Variants in AGAP1 observed in about 807,000 individuals in gnomAD.
AGAP1 encodes the protein arf-GAP with GTPase, ANK repeat and PH domain-containing protein 1.
A neutral mutation model predicts 105.3 loss-of-function variants in AGAP1; 29 were observed. The observed-to-expected ratio is 0.28, with a 90% CI of 0.21 to 0.38. The LOEUF is 0.38. AGAP1 is among the 10% of genes least tolerant of loss of function. The probability of loss-of-function intolerance (pLI) is 1.00; values close to 1 mark genes in which losing one functional copy is unlikely to be tolerated. For synonymous variants in AGAP1, 509 were observed against 485.9 expected, an observed-to-expected ratio of 1.05 and a Z score of -0.63; for missense variants, 998 against 1,165.1, an observed-to-expected ratio of 0.86 and a Z score of 2.09.
chr2:235,508,226 A>T (rs1213710150), intron 1 of AGAP1, among the ~76,000 whole-genome samples: 1 of 152,244 alleles, frequency 6.6e-6, no homozygotes, highest in African/African-American at 2.4e-5. Context: ...TATTGTGAAT[A>T]GTGCCACAGT....
At chr2:235,589,543 C>G (rs190359710) in intron 1 of AGAP1, among the ~76,000 whole-genome samples, 1 of 152,172 alleles carries the variant, frequency 6.6e-6, no homozygotes, top group African/African-American at 2.4e-5. Context: ...AATTTCCCAT[C>G]CAACCGAACT....
intron 16 of AGAP1, among the ~76,000 whole-genome samples, chr2:236,099,261 A>G (rs2059280425): frequency 6.6e-6 from 1 of 151,682 alleles, no homozygotes; most frequent in South Asian, 2.1e-4. Context: ...GACTATCCTG[A>G]CTAACAGGGT....
rs764717887 is a variant in AGAP1, at chr2:236,000,059, G to A, written c.1645+31436G>A. Among the ~76,000 whole-genome samples the A allele has an allele frequency of 1.1e-4, 16 of 152,056 alleles. No homozygotes were observed. Among genetic ancestry groups the A allele is most frequent in the South Asian group, 4.1e-4 (2 of 4,830 alleles). On this transcript the variant is annotated intron_variant, in intron 13 of 17. Transcript: ENST00000304032. This position sits in a 1 kb window ranked among gnomAD's most constrained non-coding sequence, Gnocchi z 4.3. ...TAGACCAGTGTCCTCACGTGCAGGC[G>A]TCCTCGAAGGTTTGTTTGTTAGTAG...
At chr2:235,896,633 A>G (rs1166065520) in intron 10 of AGAP1, among the ~76,000 whole-genome samples, 1 of 152,260 alleles carries the variant, frequency 6.6e-6, no homozygotes, top group Non-Finnish European at 1.5e-5. Flanking sequence ...ACATGGTCAC[A>G]TGGGCTCTCC....
At chr2:235,648,880 G>A (rs1183422530) in intron 1 of AGAP1, among the ~76,000 whole-genome samples, 2 of 133,654 alleles carry the variant, frequency 1.5e-5, no homozygotes, top group Admixed American at 1.5e-4. Context: ...AAGCGAGACT[G>A]TCTCAAAAAA....
At position 235,788,092 on chromosome 2, in the gene AGAP1, C is replaced by T. The variant is rs370647125; in HGVS notation, c.674-9667C>T. On this transcript the variant is annotated intron_variant, in intron 6 of 17. Transcript: ENST00000304032. This position sits in a 1 kb window ranked among gnomAD's most constrained non-coding sequence, Gnocchi z 6.0. Reference sequence around the variant, plus strand: ...TGCATGCCTCATGGGGTCATCCTGACTTAACCTGATGGGTAGGACTTACTT... The same window carrying T: ...TGCATGCCTCATGGGGTCATCCTGATTTAACCTGATGGGTAGGACTTACTT... Among the ~76,000 whole-genome samples the T allele has an allele frequency of 6.6e-6, 1 of 152,298 alleles. No individual in the cohort carries two copies.
At chr2:235,849,219 C>G (rs1204340512) in intron 9 of AGAP1, among the ~76,000 whole-genome samples, 1 of 152,080 alleles carries the variant, frequency 6.6e-6, no homozygotes, top group African/African-American at 2.4e-5. Flanking sequence ...TACTAAAGAC[C>G]GCCATCAAGT....
At chr2:235,607,620 G>A (rs1377665561) in intron 1 of AGAP1, among the ~76,000 whole-genome samples, 1 of 152,168 alleles carries the variant, frequency 6.6e-6, no homozygotes, top group Non-Finnish European at 1.5e-5. Flanking sequence ...GCTGGATCCT[G>A]AGCCCTGTAA....
Position 236,120,189 on chromosome 2 carries a change from C to T in AGAP1, c.2115-3C>T. 1 of 1,606,874 alleles carries T rather than the reference C, an allele frequency of 6.2e-7. No individual in the cohort carries two copies. Among genetic ancestry groups the T allele is most frequent in the Non-Finnish European group, 8.5e-7 (1 of 1,175,750 alleles). On this transcript the variant is annotated splice_polypyrimidine_tract_variant and splice_region_variant and intron_variant, in intron 16 of 17. Coordinates refer to ENST00000304032, the MANE Select transcript of AGAP1 (RefSeq NM_001037131.3). This position sits in a 1 kb window ranked among gnomAD's most constrained non-coding sequence, Gnocchi z 6.0. The stretch of plus-strand genomic sequence containing the variant: ...ACTGCACCTGTCTGGTGGCTCTTTG[C>T]AGGGAAGAGAAGGAACGGTGGATCC...
intron 9 of AGAP1, among the ~76,000 whole-genome samples, chr2:235,810,026 G>A (rs1958047541): frequency 6.6e-6 from 1 of 152,150 alleles, no homozygotes; most frequent in African/African-American, 2.4e-5. Context: ...TTCGGACCAG[G>A]CCTCTCTGCC....
Position 236,040,801 on chromosome 2 carries a change from C to T in AGAP1, c.1851C>T (p.Asn617=), listed in dbSNP as rs1338674163. 6.2e-7 allele frequency: 1 copy of T among 1,614,104 alleles called. No homozygotes were observed. Among genetic ancestry groups the T allele is most frequent in the South Asian group, 1.1e-5 (1 of 91,078 alleles). The change falls in exon 15 of 18, where the codon AAC becomes AAT. Residue 617 remains asparagine (N), a synonymous_variant. Transcript: ENST00000304032. The surrounding 1 kb of genome is among the most constrained non-coding windows in gnomAD (Gnocchi z 5.6). ...CCATGGCCCTGCAGTCGATCCGGAA[C>T]ATGCGCGGGAACTCCCACTGTGTGG... ...SEAMALQSIR[N]MRGNSHCVDC...
At chr2:235,890,162 C>CT (rs3059035) in intron 10 of AGAP1, among the ~76,000 whole-genome samples, 6,702 of 132,424 alleles carry the variant, frequency 0.051, 391 homozygotes, top group African/African-American at 0.14. Flanking sequence ...TAGTTATTCC[C>CT]TTTTTTTTTT....
At position 235,566,472 on chromosome 2, in the gene AGAP1, G is replaced by C; in HGVS notation, c.163+71623G>C. On this transcript the variant is annotated intron_variant, in intron 1 of 17. Transcript: ENST00000304032. This position sits in a 1 kb window ranked among gnomAD's most constrained non-coding sequence, Gnocchi z 5.2. ...GAGATCAATATTGATTTACTGTTTT[G>C]TTTTTTTATTTCCAGATAAGCATTC... 1.6e-6 allele frequency: 1 copy of C among 639,810 alleles called. No homozygotes were observed. The allele number at this position is 639,810 out of a possible 1,614,324, so 39.6% of individuals were successfully genotyped here. A position where few individuals can be genotyped will look rare whatever the true frequency, so the allele number is the denominator to read the frequency against.
At chr2:235,966,210 G>T (rs1336843655) in intron 12 of AGAP1, among the ~76,000 whole-genome samples, 3 of 148,628 alleles carry the variant, frequency 2.0e-5, no homozygotes, top group African/African-American at 7.5e-5. Context: ...GGATGGAGGA[G>T]AGGGGAGCCC....
In AGAP1 at chr2:235,964,268, A is replaced by G. The variant is rs955249790; in HGVS notation, c.1484-4194A>G. On this transcript the variant is annotated intron_variant, in intron 12 of 17. Transcript: ENST00000304032. This position sits in a 1 kb window ranked among gnomAD's most constrained non-coding sequence, Gnocchi z 4.6. ...CACCCAAGGGACAGAGTAAAATAAT[A>G]TGATTTTAATATAATAATATTACTT... 1.3e-5 allele frequency among the ~76,000 whole-genome samples: 2 copies of G among 152,178 alleles called. No homozygotes were observed. Among genetic ancestry groups the G allele is most frequent in the Admixed American group, 1.3e-4 (2 of 15,274 alleles).
At chr2:236,066,991 G>T (rs2058362212) in intron 16 of AGAP1, among the ~76,000 whole-genome samples, 1 of 151,496 alleles carries the variant, frequency 6.6e-6, no homozygotes, top group Non-Finnish European at 1.5e-5. Context: ...CCCCATGTAA[G>T]GGAATATCTG....
intron 15 of AGAP1, among the ~76,000 whole-genome samples, chr2:236,047,921 G>A (rs1447984068): frequency 1.3e-5 from 2 of 152,086 alleles, no homozygotes; most frequent in Admixed American, 6.6e-5. Flanking sequence ...CACATTTCTT[G>A]TGGTATCTAT....
chr2:235,799,719 T>C lies in AGAP1; in HGVS notation c.957+197T>C, dbSNP rs1022518069. ...GTTGAGTAGAATGGGAATTTCTTCA[T>C]GTAGACATTCCTGACTTCGTGTGTC... is the stretch of plus-strand genomic sequence containing the variant. On this transcript the variant is annotated intron_variant, in intron 8 of 17. Transcript: ENST00000304032. This position sits in a 1 kb window ranked among gnomAD's most constrained non-coding sequence, Gnocchi z 5.0. Among the ~76,000 whole-genome samples, 2 of 152,164 alleles carry C rather than the reference T, an allele frequency of 1.3e-5. No homozygotes were observed. The highest frequency in any genetic ancestry group is 1.5e-5 in the Non-Finnish European group (1 of 68,032).
At position 235,569,314 on chromosome 2, in the gene AGAP1, CA is replaced by C. The variant is rs956972498; in HGVS notation, c.163+74473del. The stretch of plus-strand genomic sequence containing the variant: ...TGGGCGACAGAGCGAGACACCATCT[CA>C]AAAAAAAGGATCTTGGAGGAAGTAC... On this transcript the variant is annotated intron_variant, in intron 1 of 17. Coordinates refer to ENST00000304032, the MANE Select transcript of AGAP1 (RefSeq NM_001037131.3). This position sits in a 1 kb window ranked among gnomAD's most constrained non-coding sequence, Gnocchi z 5.9. Among the ~76,000 whole-genome samples, 3 of 151,612 alleles carry C rather than the reference CA, an allele frequency of 2.0e-5. No homozygotes were observed. The highest frequency in any genetic ancestry group is 2.9e-5 in the Non-Finnish European group (2 of 67,880).
Sources: gnomAD v4.1 joint callset for allele counts (sites outside exome capture counted in the v4.1 genomes callset) on GRCh38, gnomAD v4.1.1 for gene constraint, Gnocchi (gnomAD v3.1) non-coding constraint, MANE v1.5 for transcripts, NCBI Gene and HGNC (gene_info 2026-07-23, HGNC 2026-07-21) for gene names.